HSPBAP1: variants seen among roughly 807,000 people sequenced by gnomAD.
HSPBAP1 encodes HSPB1 associated protein 1, also known as HSPB1-associated protein 1.
HSPBAP1 carries 27 observed loss-of-function variants against 45.2 expected under a neutral mutation model. The ratio of observed to expected loss-of-function variants is 0.60; its 90% confidence interval spans 0.44 to 0.82. The LOEUF is 0.82. Among genes scored for constraint, HSPBAP1 ranks in the 40% least tolerant of loss-of-function variants. The pLI is 0.00. For missense variants in HSPBAP1, 510 were observed against 590.9 expected, an observed-to-expected ratio of 0.86 and a Z score of 1.42; for synonymous variants, 204 against 202.7, an observed-to-expected ratio of 1.01 and a Z score of -0.06.
chr3:122,774,991 A>C (rs1935139894), intron 2 of HSPBAP1, among the ~76,000 whole-genome samples: 1 of 152,236 alleles, frequency 6.6e-6, no homozygotes, highest in African/African-American at 2.4e-5. Flanking sequence ...GTCTTTTTAA[A>C]ATTTAAAACT....
At chr3:122,788,745 A>G (rs966415436) in intron 1 of HSPBAP1, among the ~76,000 whole-genome samples, 9 of 152,246 alleles carry the variant, frequency 5.9e-5, no homozygotes, top group African/African-American at 2.2e-4. Flanking sequence ...TAAAGTGGTT[A>G]AATTTCTAGA....
chr3:122,765,318 T>C (rs887930392), intron 3 of HSPBAP1, among the ~76,000 whole-genome samples: 1 of 152,318 alleles, frequency 6.6e-6, no homozygotes, highest in East Asian at 1.9e-4. Context: ...TGATGGCTCA[T>C]GCCTGCAATC....
intron 6 of HSPBAP1, among the ~76,000 whole-genome samples, chr3:122,748,858 T>A (rs1477220947): frequency 6.6e-6 from 1 of 152,188 alleles, no homozygotes; most frequent in Non-Finnish European, 1.5e-5. Context: ...TTAAAGGAAC[T>A]AATGAACAGT....
intron 4 of HSPBAP1, among the ~76,000 whole-genome samples, chr3:122,757,514 C>T (rs1190121895): frequency 6.6e-6 from 1 of 152,194 alleles, no homozygotes; most frequent in African/African-American, 2.4e-5. Flanking sequence ...TCCCACAGCT[C>T]TGTGAAACCT....
chr3:122,776,739 G>A (rs756893118), intron 2 of HSPBAP1, among the ~76,000 whole-genome samples: 6 of 152,162 alleles, frequency 3.9e-5, no homozygotes, highest in Non-Finnish European at 8.8e-5. Context: ...ATAATGAGAT[G>A]ACAAAGAGTT....
In HSPBAP1 at chr3:122,777,409, ATTTAT is replaced by A. The variant is rs200948764; in HGVS notation, c.250+307_250+311del. Among the ~76,000 whole-genome samples, 1,002 of 152,348 alleles carry A rather than the reference ATTTAT, an allele frequency of 6.6e-3. 11 individuals carry two copies. The highest frequency in any genetic ancestry group is 0.02 in the South Asian group (96 of 4,830). ...AATAAGAGCACATTAACAAATATTT[ATTTAT>A]TAAGTGTCTAACATTTAATGAACCA... On this transcript the variant is annotated intron_variant, in intron 2 of 7. Transcript: ENST00000306103.
At chr3:122,782,194 C>T (rs76031812) in intron 1 of HSPBAP1, among the ~76,000 whole-genome samples, 8,241 of 152,244 alleles carry the variant, frequency 0.054, 286 homozygotes, top group Middle Eastern at 0.11. Context: ...CACAATTCTA[C>T]TCGTTATATC....
intron 1 of HSPBAP1, among the ~76,000 whole-genome samples, chr3:122,780,545 CGG>C: frequency 2.3e-5 from 3 of 133,288 alleles, no homozygotes; most frequent in Admixed American, 7.6e-5. Context: ...GGCGGCTGGC[CGG>C]ACGGGGGGCT....
chr3:122,778,807 G>A (rs530540613), intron 1 of HSPBAP1, among the ~76,000 whole-genome samples: 81 of 152,144 alleles, frequency 5.3e-4, no homozygotes, highest in Non-Finnish European at 1.1e-3. Flanking sequence ...TGGAATTACA[G>A]ACGTGAGCCA....
chr3:122,755,850 T>C (rs1282460400), intron 4 of HSPBAP1, among the ~76,000 whole-genome samples: 1 of 152,196 alleles, frequency 6.6e-6, no homozygotes, highest in Non-Finnish European at 1.5e-5. Flanking sequence ...ACACTCATAG[T>C]TCTATCCACC....
intron 6 of HSPBAP1, chr3:122,741,899 A>G (rs1487618521): frequency 6.6e-6 from 1 of 152,212 alleles, no homozygotes; most frequent in African/African-American, 2.4e-5. Flanking sequence ...ATTGAGAGAC[A>G]AAAGTCTTAT....
intron 5 of HSPBAP1, 178 bp downstream of exon 5, chr3:122,755,082 G>A (rs1934295406): frequency 1.1e-5 from 14 of 1,223,634 alleles, no homozygotes; most frequent in Non-Finnish European, 1.4e-5. Context: ...CTGTGAAGCA[G>A]AGGTGTATGT....
chr3:122,747,386 C>A (rs1446638903), intron 6 of HSPBAP1, among the ~76,000 whole-genome samples: 30 of 151,242 alleles, frequency 2.0e-4, no homozygotes, highest in African/African-American at 6.8e-4. Flanking sequence ...CTGGCAACCG[C>A]CCCATCTGAG....
At chr3:122,778,512 C>A (rs1489151732) in intron 1 of HSPBAP1, among the ~76,000 whole-genome samples, 1 of 124,954 alleles carries the variant, frequency 8.0e-6, no homozygotes, top group East Asian at 2.1e-4. Flanking sequence ...TCTAGTATTT[C>A]TTTTTTTTTT....
At position 122,747,414 on chromosome 3, in the gene HSPBAP1, G is replaced by A. The variant is rs1394891736; in HGVS notation, c.825+5177C>T. ...CATCTGAGAAATGAGGAGCCCCTCCGCCCGGCAACCACACCGTCTGGGAAG... is the reference window on the plus strand; with the variant it reads ...CATCTGAGAAATGAGGAGCCCCTCCACCCGGCAACCACACCGTCTGGGAAG... On this transcript the variant is annotated intron_variant, in intron 6 of 7. Coordinates refer to ENST00000306103, the MANE Select transcript of HSPBAP1 (RefSeq NM_024610.6). Among the ~76,000 whole-genome samples the A allele has an allele frequency of 1.4e-4, 21 of 151,042 alleles. No homozygotes were observed. In the East Asian group the frequency reaches 1.4e-3, roughly 10 times the overall value.
chr3:122,742,983 G>C (rs995164615), intron 6 of HSPBAP1, among the ~76,000 whole-genome samples: 1 of 152,054 alleles, frequency 6.6e-6, no homozygotes, highest in South Asian at 2.1e-4. Context: ...ATACTCATAC[G>C]AATGGGATTA....
At chr3:122,778,027 T>C (rs767809235) in intron 1 of HSPBAP1, 121 bp from the exon 2 acceptor site, 5 of 680,552 alleles carry the variant, frequency 7.3e-6, no homozygotes, top group East Asian at 5.5e-5. Flanking sequence ...ATTACAATAA[T>C]GTATACGTCA....
intron 2 of HSPBAP1, among the ~76,000 whole-genome samples, chr3:122,774,805 C>T (rs1259844438): frequency 6.6e-6 from 1 of 152,112 alleles, no homozygotes; most frequent in African/African-American, 2.4e-5. Flanking sequence ...CACAAGACAC[C>T]ATTCAAGACA....
At position 122,777,710 on chromosome 3, in the gene HSPBAP1, T is replaced by C. The variant is rs760324345; in HGVS notation, c.250+11A>G. On this transcript the variant is annotated intron_variant, in intron 2 of 7. Coordinates refer to ENST00000306103, the MANE Select transcript of HSPBAP1 (RefSeq NM_024610.6). Reference sequence around the variant, plus strand: ...AAGAGACATTATGATGGTGATTACCTATAGTCATACCTGTGCTCATGCTTT... The same window carrying C: ...AAGAGACATTATGATGGTGATTACCCATAGTCATACCTGTGCTCATGCTTT... The C allele has an allele frequency of 5.6e-6, 9 of 1,601,304 alleles. No individual in the cohort carries two copies. The Admixed American group carries it at 1.5e-4, about 27-fold the overall frequency.
Sources: gnomAD v4.1 joint callset for allele counts (sites outside exome capture counted in the v4.1 genomes callset) on GRCh38, gnomAD v4.1.1 for gene constraint, MANE v1.5 for transcripts, NCBI Gene and HGNC (gene_info 2026-07-23, HGNC 2026-07-21) for gene names.